GRIA4: variants seen among roughly 807,000 people sequenced by gnomAD.
The protein encoded by GRIA4 is glutamate ionotropic receptor AMPA type subunit 4.
GRIA4 carries 34 observed loss-of-function variants against 104.0 expected under a neutral mutation model. The ratio of observed to expected loss-of-function variants is 0.33; its 90% CI spans 0.25 to 0.44. The LOEUF is 0.44. Among genes scored for constraint, GRIA4 ranks in the 20% least tolerant of loss-of-function variants. GRIA4 has a pLI of 1.00. For missense variants in GRIA4, 750 were observed against 1,096.5 expected, an observed-to-expected ratio of 0.68 and a Z score of 4.46; for synonymous variants, 386 against 381.9, an observed-to-expected ratio of 1.01 and a Z score of -0.13.
At chr11:105,815,026 A>C (rs1165049244) in intron 4 of GRIA4, among the ~76,000 whole-genome samples, 1 of 152,174 alleles carries the variant, frequency 6.6e-6, no homozygotes. Context: ...CACAGCAATA[A>C]GAAAAGACTG....
At chr11:105,621,596 T>G (rs1261679502) in intron 3 of GRIA4, among the ~76,000 whole-genome samples, 2 of 151,760 alleles carry the variant, frequency 1.3e-5, no homozygotes, top group Non-Finnish European at 3.0e-5. Context: ...TGCATGAAGT[T>G]TCTATGATTA....
chr11:105,684,789 G>A (rs964590642), intron 3 of GRIA4, among the ~76,000 whole-genome samples: 23 of 151,506 alleles, frequency 1.5e-4, no homozygotes, highest in Middle Eastern at 3.5e-3. Flanking sequence ...TTAAATTGAC[G>A]TATCAGTATT....
At chr11:105,722,478 C>G (rs1937891388) in intron 3 of GRIA4, among the ~76,000 whole-genome samples, 2 of 152,004 alleles carry the variant, frequency 1.3e-5, no homozygotes, top group Non-Finnish European at 2.9e-5. Context: ...AGCATCTGTA[C>G]TAGGCTTTTA....
intron 3 of GRIA4, among the ~76,000 whole-genome samples, chr11:105,618,294 G>T (rs754942184): frequency 2.6e-5 from 4 of 151,960 alleles, no homozygotes; most frequent in African/African-American, 9.7e-5. Context: ...TAAAGAACAG[G>T]CTAGGTTGCA....
intron 10 of GRIA4, among the ~76,000 whole-genome samples, chr11:105,915,163 C>T (rs1215290278): frequency 6.6e-6 from 1 of 152,148 alleles, no homozygotes; most frequent in Non-Finnish European, 1.5e-5. Context: ...GAAAGCCTAG[C>T]CGTTCTCTCC....
chr11:105,836,452 T>C (rs978424234), intron 4 of GRIA4, among the ~76,000 whole-genome samples: 2 of 152,100 alleles, frequency 1.3e-5, no homozygotes, highest in Non-Finnish European at 2.9e-5. Context: ...GCCTACCTGA[T>C]AGGTGGAGCT....
intron 3 of GRIA4, among the ~76,000 whole-genome samples, chr11:105,654,313 C>T (rs941223311): frequency 6.0e-5 from 9 of 149,242 alleles, no homozygotes; most frequent in Non-Finnish European, 8.9e-5. Context: ...TAGTTAATGA[C>T]GATGTATTGT....
chr11:105,951,570 T>C (rs59432771), intron 14 of GRIA4, among the ~76,000 whole-genome samples: 11,693 of 152,202 alleles, frequency 0.077, 508 homozygotes, highest in African/African-American at 0.1. Context: ...CCACCACAAA[T>C]AAATAAAATG....
At chr11:105,693,575 G>A (rs904904916) in intron 3 of GRIA4, among the ~76,000 whole-genome samples, 22 of 152,218 alleles carry the variant, frequency 1.4e-4, no homozygotes, top group African/African-American at 4.8e-4. Flanking sequence ...TTTACACAGG[G>A]CAGTTCTTTT....
intron 3 of GRIA4, among the ~76,000 whole-genome samples, chr11:105,640,350 T>C (rs7933933): frequency 0.97 from 147,987 of 151,930 alleles, 72,182 homozygotes; most frequent in East Asian, 1. Flanking sequence ...TTTTTAATTA[T>C]AAAATTAACA....
intron 4 of GRIA4, among the ~76,000 whole-genome samples, chr11:105,765,051 T>C (rs1416551288): frequency 1.3e-5 from 2 of 152,118 alleles, no homozygotes; most frequent in African/African-American, 4.8e-5. Flanking sequence ...TTGACCAAAG[T>C]ACATGACCAA....
At chr11:105,718,707 G>A (rs1460381635) in intron 3 of GRIA4, among the ~76,000 whole-genome samples, 1 of 152,128 alleles carries the variant, frequency 6.6e-6, no homozygotes, top group Non-Finnish European at 1.5e-5. Context: ...CCTCCTAAAA[G>A]GAGCTACTTG....
intron 4 of GRIA4, among the ~76,000 whole-genome samples, chr11:105,777,256 GA>G (rs1349796145): frequency 1.3e-5 from 2 of 152,100 alleles, no homozygotes; most frequent in Non-Finnish European, 2.9e-5. Flanking sequence ...TGTTTTAAGA[GA>G]AAAAAAGTTG....
intron 5 of GRIA4, among the ~76,000 whole-genome samples, chr11:105,877,132 G>A (rs776943802): frequency 3.3e-5 from 5 of 152,154 alleles, no homozygotes; most frequent in Non-Finnish European, 7.3e-5. Flanking sequence ...GCATTTGCTT[G>A]TCTGTAAAGG....
At chr11:105,620,020 T>C (rs1475022389) in intron 3 of GRIA4, among the ~76,000 whole-genome samples, 1 of 151,890 alleles carries the variant, frequency 6.6e-6, no homozygotes, top group Non-Finnish European at 1.5e-5. Flanking sequence ...TTTTATTTAT[T>C]CTCTTACTAT....
chr11:105,821,274 T>A (rs1334691064), intron 4 of GRIA4, among the ~76,000 whole-genome samples: 1 of 152,142 alleles, frequency 6.6e-6, no homozygotes, highest in Non-Finnish European at 1.5e-5. Flanking sequence ...AAAATTGTAT[T>A]GAAGCAATTT....
intron 3 of GRIA4, among the ~76,000 whole-genome samples, chr11:105,720,929 C>T (rs1422649458): frequency 1.3e-5 from 2 of 152,134 alleles, no homozygotes; most frequent in African/African-American, 4.8e-5. Context: ...CCATGGCCCC[C>T]AGACTTTATC....
At chr11:105,911,775 A>AATACATATATATATATAT (rs376124658) in intron 10 of GRIA4, 37 of 74,656 alleles carry the variant, frequency 5.0e-4, no homozygotes, top group Non-Finnish European at 7.7e-4. Flanking sequence ...CTTGAAAAGC[A>AATACATATATATATATAT]ATATATATAT....
intron 4 of GRIA4, among the ~76,000 whole-genome samples, chr11:105,809,831 T>A (rs1310422863): frequency 6.6e-6 from 1 of 152,092 alleles, no homozygotes. Context: ...TACCAAACGC[T>A]AGATCTTATT....
Sources: gnomAD v4.1 joint callset for allele counts (sites outside exome capture counted in the v4.1 genomes callset) on GRCh38, gnomAD v4.1.1 for gene constraint, MANE v1.5 for transcripts, NCBI Gene and HGNC (gene_info 2026-07-23, HGNC 2026-07-21) for gene names.